AKAP6: variants seen among roughly 807,000 people sequenced by gnomAD.
AKAP6 encodes the protein A-kinase anchor protein 6.
A neutral mutation model predicts 188.5 loss-of-function variants in AKAP6; 58 were observed. The observed-to-expected ratio is 0.31, with a 90% CI of 0.25 to 0.38. The LOEUF is 0.38. AKAP6 is among the 10% of genes least tolerant of loss of function. The probability of loss-of-function intolerance (pLI) is 1.00; values close to 1 mark genes in which losing one functional copy is unlikely to be tolerated. For synonymous variants in AKAP6, 989 were observed against 998.6 expected, an observed-to-expected ratio of 0.99 and a Z score of 0.18; for missense variants, 2,710 against 2,740.0, an observed-to-expected ratio of 0.99 and a Z score of 0.24.
intron 7 of AKAP6, among the ~76,000 whole-genome samples, chr14:32,630,571 T>C (rs117183302): frequency 0.025 from 3,816 of 152,106 alleles, 75 homozygotes; most frequent in Middle Eastern, 0.048. Context: ...ATCAAGGCTG[T>C]CACCTGCTAG....
intron 1 of AKAP6, among the ~76,000 whole-genome samples, chr14:32,430,304 T>C (rs1472644816): frequency 6.6e-6 from 1 of 152,202 alleles, no homozygotes; most frequent in Non-Finnish European, 1.5e-5. Flanking sequence ...ATGAAGAAAC[T>C]GAGGCCAAGA....
chr14:32,822,111 T>C lies in AKAP6; in HGVS notation c.4298T>C (p.Val1433Ala). 1.2e-6 allele frequency: 2 copies of C among 1,613,902 alleles called. No homozygotes were observed. The highest frequency in any genetic ancestry group is 2.7e-5 in the African/African-American group (2 of 75,016). Reference sequence around the variant, plus strand: ...AGCTCTCAGTCGTCCATTTCACCAGTGGGTTGTGTAAATGGAAAAGTTGGA... The same window carrying C: ...AGCTCTCAGTCGTCCATTTCACCAGCGGGTTGTGTAAATGGAAAAGTTGGA... ...PNSSQSSISP[V>A]GCVNGKVGDL... is the part of the protein sequence containing the mutation. Residue 1433 changes from valine to alanine, a missense_variant, in exon 13 of 14, where the codon GTG (valine) becomes GCG (alanine). By Grantham distance (64) the Val-to-Ala change is moderately conservative (BLOSUM62 0). Around this residue, in one of 2 missense-constraint regions of AKAP6, gnomAD observed 2,473 missense variants for 2,426.1 expected, o/e 1.02. Coordinates refer to ENST00000280979, the MANE Select transcript of AKAP6 (RefSeq NM_004274.5).
intron 4 of AKAP6, among the ~76,000 whole-genome samples, chr14:32,556,570 T>C (rs1472117264): frequency 6.6e-6 from 1 of 152,146 alleles, no homozygotes; most frequent in African/African-American, 2.4e-5. Context: ...CTCAAACTCC[T>C]GGGCTCAAGC....
Position 32,773,788 on chromosome 14 carries a change from G to A in AKAP6, c.3483G>A (p.Gln1161=), listed in dbSNP as rs199889162. Residue 1161 remains glutamine (Q), a synonymous_variant, in exon 12 of 14, where the codon CAG becomes CAA. Coordinates refer to ENST00000280979, the MANE Select transcript of AKAP6 (RefSeq NM_004274.5). ...CTTGCAATCTGAATGCAGACCACCA[G>A]CCCATGCAGCTGATCATTGTAAATC... ...RETCNLNADH[Q]PMQLIIVNLE... The A allele has an allele frequency of 8.4e-5, 136 of 1,614,126 alleles. 1 individual carries two copies. In the East Asian group the frequency reaches 1.4e-3, roughly 17 times the overall value.
chr14:32,447,224 G>A (rs1890783889), intron 2 of AKAP6, among the ~76,000 whole-genome samples: 2 of 152,128 alleles, frequency 1.3e-5, no homozygotes, highest in South Asian at 4.1e-4. Flanking sequence ...TTACTACCTT[G>A]CATTCTCATT....
At chr14:32,481,921 T>C (rs1220638076) in intron 2 of AKAP6, among the ~76,000 whole-genome samples, 2 of 152,152 alleles carry the variant, frequency 1.3e-5, no homozygotes, top group African/African-American at 4.8e-5. Flanking sequence ...TGATCTCAGT[T>C]TTCATCCCAT....
At chr14:32,565,582 A>G (rs1016902049) in intron 4 of AKAP6, among the ~76,000 whole-genome samples, 18 of 152,122 alleles carry the variant, frequency 1.2e-4, no homozygotes, top group African/African-American at 4.3e-4. Context: ...TCAGCCTTTC[A>G]ACTGGCAATC....
chr14:32,413,206 G>A (rs1483688831), intron 1 of AKAP6, among the ~76,000 whole-genome samples: 2 of 140,244 alleles, frequency 1.4e-5, no homozygotes, highest in Non-Finnish European at 3.0e-5. Context: ...TTTTTAGATG[G>A]GGTCTTGCTT....
chr14:32,800,739 T>G (rs8006237), intron 12 of AKAP6, among the ~76,000 whole-genome samples: 62,874 of 152,028 alleles, frequency 0.41, 13,162 homozygotes, highest in African/African-American at 0.44. Flanking sequence ...TGTGGGCCAG[T>G]TGCTGTGGCT....
intron 2 of AKAP6, among the ~76,000 whole-genome samples, chr14:32,515,421 C>A (rs1029938413): frequency 6.6e-6 from 1 of 152,084 alleles, no homozygotes; most frequent in African/African-American, 2.4e-5. Flanking sequence ...TCTTCTGATT[C>A]TCACTTAGTA....
At chr14:32,443,929 A>G (rs1049368625) in intron 2 of AKAP6, among the ~76,000 whole-genome samples, 1 of 152,142 alleles carries the variant, frequency 6.6e-6, no homozygotes, top group East Asian at 1.9e-4. Context: ...AGACACAAAC[A>G]TCTTTGTATA....
intron 11 of AKAP6, among the ~76,000 whole-genome samples, chr14:32,765,519 A>C (rs1249459372): frequency 6.6e-6 from 1 of 152,120 alleles, no homozygotes; most frequent in African/African-American, 2.4e-5. Context: ...ATAGTCTTCT[A>C]TGTTTACTTT....
chr14:32,652,822 G>A (rs970274886), intron 7 of AKAP6, among the ~76,000 whole-genome samples: 23 of 152,166 alleles, frequency 1.5e-4, no homozygotes, highest in African/African-American at 5.5e-4. Flanking sequence ...GGAGGCCAAG[G>A]TGGGAGGAAT....
In AKAP6 at chr14:32,822,313, TGG is replaced by T; in HGVS notation, c.4501_4502del (p.Gly1501PhefsTer4). 1 of 1,613,962 alleles carries T rather than the reference TGG, an allele frequency of 6.2e-7. No homozygotes were observed. Among genetic ancestry groups the T allele is most frequent in the Non-Finnish European group, 8.5e-7 (1 of 1,179,924 alleles). Reference sequence around the variant, plus strand: ...CGCATGTGGAGGATCCCCTGCTTCGTGGTTTTTATTTTGATAAAAAATCATGC... The same window carrying T: ...CGCATGTGGAGGATCCCCTGCTTCGTTTTTTATTTTGATAAAAAATCATGC... ...KAHVEDPLLR[G>X]FYFDKKSCKS... On this transcript the variant is annotated frameshift_variant, in exon 13 of 14. Coordinates refer to ENST00000280979, the MANE Select transcript of AKAP6 (RefSeq NM_004274.5). LOFTEE classifies it high-confidence loss of function.
chr14:32,514,903 G>A (rs1881440269), intron 2 of AKAP6, among the ~76,000 whole-genome samples: 2 of 152,078 alleles, frequency 1.3e-5, no homozygotes, highest in Non-Finnish European at 1.5e-5. Flanking sequence ...AGTGAAGGTG[G>A]GGGTCTTAAC....
chr14:32,614,892 TG>T, intron 7 of AKAP6, among the ~76,000 whole-genome samples: 1 of 151,934 alleles, frequency 6.6e-6, no homozygotes, highest in Non-Finnish European at 1.5e-5. Context: ...TAAACAAGGC[TG>T]GGTGCGGTGG....
At chr14:32,540,168 C>CTATATATATATATATATATATATATA (rs61668961) in intron 3 of AKAP6, among the ~76,000 whole-genome samples, 1 of 60,956 alleles carries the variant, frequency 1.6e-5, no homozygotes. Context: ...CTCTCTCTCT[C>CTATATATATATATATATATATATATA]TATATATATA....
rs558668307 is a variant in AKAP6 at position 32,569,209 on chromosome 14, GT to G, written c.2347-7906del. Among the ~76,000 whole-genome samples the G allele has an allele frequency of 4.8e-3, 730 of 152,178 alleles. 3 individuals are homozygous for G. Among genetic ancestry groups the G allele is most frequent in the Middle Eastern group, 0.01 (3 of 294 alleles). Reference sequence around the variant, plus strand: ...TTTTGCTCTTTCTTTCCCACTGACAGTTTTTACCTTTATTCTGGAACAATTT... The same window carrying G: ...TTTTGCTCTTTCTTTCCCACTGACAGTTTTACCTTTATTCTGGAACAATTT... On this transcript the variant is annotated intron_variant, in intron 4 of 13. Coordinates refer to ENST00000280979, the MANE Select transcript of AKAP6 (RefSeq NM_004274.5).
At chr14:32,689,446 T>C (rs571237055) in intron 8 of AKAP6, among the ~76,000 whole-genome samples, 1 of 152,288 alleles carries the variant, frequency 6.6e-6, no homozygotes, top group Admixed American at 6.5e-5. Context: ...CACATGTACG[T>C]AGGTATATAT....
Sources: allele counts gnomAD v4.1 joint callset (sites outside exome capture counted in the v4.1 genomes callset), GRCh38; gene constraint gnomAD v4.1.1; regional missense constraint gnomAD v4.1.1; transcripts MANE v1.5; gene names NCBI Gene and HGNC (gene_info 2026-07-23, HGNC 2026-07-21).